USP48: variants seen among roughly 807,000 people sequenced by gnomAD.
The protein encoded by USP48 is ubiquitin specific peptidase 48, also known as ubiquitin carboxyl-terminal hydrolase 48.
USP48 carries 43 observed loss-of-function variants against 150.7 expected under a neutral mutation model. That is an observed-to-expected ratio of 0.29 (90% confidence interval 0.22 to 0.37). USP48 has a LOEUF of 0.37. USP48 is among the 10% of genes least tolerant of loss of function. The pLI is 1.00. For synonymous variants in USP48, 396 were observed against 425.9 expected (o/e 0.93, Z 0.86); for missense variants, 813 against 1,249.6 (o/e 0.65, Z 5.27).
chr1:21,763,858 C>T (rs566142770), intron 1 of USP48, among the ~76,000 whole-genome samples: 13 of 151,614 alleles, frequency 8.6e-5, no homozygotes, highest in Admixed American at 1.3e-4. Flanking sequence ...GGAGGGAGGA[C>T]GGATGGACAG....
At chr1:21,708,868 G>C (rs2097681400) in intron 15 of USP48, among the ~76,000 whole-genome samples, 1 of 120,518 alleles carries the variant, frequency 8.3e-6, no homozygotes, top group Non-Finnish European at 1.6e-5. Flanking sequence ...CTGGGTGACA[G>C]AGCAAGACTC....
At position 21,783,077 on chromosome 1, in the gene USP48, A is replaced by G. The variant is rs2152668162; in HGVS notation, c.-120T>C. On this transcript the variant is annotated 5_prime_UTR_variant, in exon 1 of 27. Transcript: ENST00000308271. Reference sequence around the variant, plus strand: ...AGGAGGACCTGGCGCTCCTTCAGGCAGCTGGCCAGTCAATCACCTGTGCGC... The same window carrying G: ...AGGAGGACCTGGCGCTCCTTCAGGCGGCTGGCCAGTCAATCACCTGTGCGC... The G allele has an allele frequency of 1.5e-6, 2 of 1,354,968 alleles. No homozygotes were observed. Among genetic ancestry groups the G allele is most frequent in the Non-Finnish European group, 1.9e-6 (2 of 1,050,616 alleles). The allele number at this position is 1,354,968 out of a possible 1,614,324, so 83.9% of individuals were successfully genotyped here.
chr1:21,778,505 G>T (rs1022978225), intron 1 of USP48, among the ~76,000 whole-genome samples: 4 of 148,500 alleles, frequency 2.7e-5, no homozygotes, highest in Non-Finnish European at 5.9e-5. Context: ...GGTGGTTCGT[G>T]CCTACAGTCC....
chr1:21,783,055 A>C lies in USP48; in HGVS notation c.-98T>G. On this transcript the variant is annotated 5_prime_UTR_variant, in exon 1 of 27. Coordinates refer to ENST00000308271, the MANE Select transcript of USP48 (RefSeq NM_032236.8). ...TGGGCTTCGCCACCTGCCAGCAAGG[A>C]GGACCTGGCGCTCCTTCAGGCAGCT... The C allele has an allele frequency of 7.9e-6, 11 of 1,392,924 alleles. No individual in the cohort carries two copies. The highest frequency in any genetic ancestry group is 1.0e-5 in the Non-Finnish European group (11 of 1,080,694). The allele number at this position is 1,392,924 out of a possible 1,614,324, so 86.3% of individuals were successfully genotyped here.
chr1:21,730,098 A>C (rs531543788), intron 9 of USP48, among the ~76,000 whole-genome samples: 15 of 152,324 alleles, frequency 9.8e-5, no homozygotes, highest in African/African-American at 1.4e-4. Flanking sequence ...ACAACAACAA[A>C]AAAATCACTA....
At chr1:21,772,496 G>A (rs1557615835) in intron 1 of USP48, among the ~76,000 whole-genome samples, 2 of 151,880 alleles carry the variant, frequency 1.3e-5, no homozygotes, top group South Asian at 2.1e-4. Flanking sequence ...GGTGGCGGGC[G>A]CCTGTAGTCC....
chr1:21,745,919 A>C (rs749183059), intron 8 of USP48, among the ~76,000 whole-genome samples: 4 of 152,244 alleles, frequency 2.6e-5, no homozygotes, highest in Non-Finnish European at 4.4e-5. Context: ...TCTAACATTG[A>C]AGTCCAAAAC....
At chr1:21,703,263 C>T (rs570624861) in intron 21 of USP48, among the ~76,000 whole-genome samples, 2 of 152,218 alleles carry the variant, frequency 1.3e-5, no homozygotes, top group Admixed American at 6.5e-5. Context: ...ATCCCCAGCA[C>T]CTGGACCATT....
At chr1:21,734,280 T>C (rs2097763714) in intron 9 of USP48, among the ~76,000 whole-genome samples, 1 of 152,106 alleles carries the variant, frequency 6.6e-6, no homozygotes. Flanking sequence ...ACACCTGTGG[T>C]CTCAGTTACT....
intron 14 of USP48, among the ~76,000 whole-genome samples, chr1:21,715,923 C>T (rs2097702874): frequency 1.3e-5 from 2 of 152,174 alleles, no homozygotes; most frequent in Non-Finnish European, 2.9e-5. Context: ...GGCATATGTT[C>T]TAAGACCCTC....
intron 1 of USP48, among the ~76,000 whole-genome samples, chr1:21,762,326 C>A (rs1414327096): frequency 6.6e-6 from 1 of 151,954 alleles, no homozygotes; most frequent in East Asian, 1.9e-4. Flanking sequence ...AACAGAAAAT[C>A]TCTCCTGGGA....
intron 15 of USP48, among the ~76,000 whole-genome samples, chr1:21,714,676 A>G (rs899873753): frequency 6.6e-6 from 1 of 152,264 alleles, no homozygotes; most frequent in African/African-American, 2.4e-5. Context: ...CTAATATATG[A>G]TGAATCCCTT....
In USP48 at chr1:21,721,725, C is replaced by T. The variant is rs770084847; in HGVS notation, c.1688G>A (p.Arg563His). 7 of 1,607,494 alleles carry T rather than the reference C, an allele frequency of 4.4e-6. No homozygotes were observed. The highest frequency in any genetic ancestry group is 4.0e-5 in the African/African-American group (3 of 74,762). The change falls in exon 13 of 27, where the codon CGC becomes CAC. Residue 563 changes from arginine to histidine, a missense_variant. By Grantham distance (29) the Arg-to-His change is conservative. Transcript: ENST00000308271. ...TAGTTGGTTCTTCAGACGCAATATGCGACAACGTTCTACTACACATTCCTT... is the reference window on the plus strand; with the variant it reads ...TAGTTGGTTCTTCAGACGCAATATGTGACAACGTTCTACTACACATTCCTT... ...LCKECVVERC[R>H]ILRLKNQLNE...
intron 1 of USP48, among the ~76,000 whole-genome samples, chr1:21,778,191 A>G (rs554530493): frequency 3.6e-4 from 55 of 152,138 alleles, no homozygotes; most frequent in African/African-American, 9.4e-4. Context: ...TCACAACTCA[A>G]TAACAAAAGG....
chr1:21,744,208 C>T (rs1293116604), intron 8 of USP48, among the ~76,000 whole-genome samples: 3 of 151,878 alleles, frequency 2.0e-5, no homozygotes, highest in Non-Finnish European at 2.9e-5. Context: ...CTTTGGGAGG[C>T]CGAGGTGGGC....
At chr1:21,751,264 A>G (rs1324499953) in intron 6 of USP48, among the ~76,000 whole-genome samples, 11 of 152,200 alleles carry the variant, frequency 7.2e-5, no homozygotes, top group Admixed American at 6.5e-4. Flanking sequence ...CAATCACAGA[A>G]TAATATCTTC....
chr1:21,766,085 A>G (rs1051455650), intron 1 of USP48, among the ~76,000 whole-genome samples: 2 of 152,080 alleles, frequency 1.3e-5, no homozygotes, highest in African/African-American at 4.8e-5. Context: ...AAGATTTTCC[A>G]GGCTGGATGT....
chr1:21,700,236 T>G (rs942680792), intron 22 of USP48, among the ~76,000 whole-genome samples: 2 of 152,022 alleles, frequency 1.3e-5, no homozygotes, highest in Non-Finnish European at 2.9e-5. Context: ...CAGTGTTGAC[T>G]GACTGAAATA....
chr1:21,686,916 G>GC (rs1382540895), intron 25 of USP48: 6 of 458,808 alleles, frequency 1.3e-5, no homozygotes, highest in African/African-American at 1.0e-4. Flanking sequence ...CCTGTCTGGG[G>GC]CACTGCAATC....
Sources: gnomAD v4.1 joint callset for allele counts (sites outside exome capture counted in the v4.1 genomes callset) on GRCh38, gnomAD v4.1.1 for gene constraint, MANE v1.5 for transcripts, NCBI Gene and HGNC (gene_info 2026-07-23, HGNC 2026-07-21) for gene names.